GPR149: variants seen among roughly 807,000 people sequenced by gnomAD.
GPR149 encodes G protein-coupled receptor 149, also known as probable G protein-coupled receptor 149.
In GPR149, 50 loss-of-function variants were observed where a neutral mutation model predicts 50.2. The observed-to-expected ratio is 1.00, with a 90% CI of 0.79 to 1.26. GPR149 has a LOEUF of 1.26. Ranked by LOEUF, GPR149 falls within the 50% of genes most tolerant of loss-of-function variation. The probability of loss-of-function intolerance (pLI) is 0.00; values close to 1 mark genes in which losing one functional copy is unlikely to be tolerated. For missense variants in GPR149, 983 were observed against 895.4 expected (o/e 1.10, Z -1.25); for synonymous variants, 405 against 358.2 (o/e 1.13, Z -1.48).
At chr3:154,387,483 G>A (rs978036359) in intron 3 of GPR149, among the ~76,000 whole-genome samples, 6 of 152,126 alleles carry the variant, frequency 3.9e-5, no homozygotes, top group East Asian at 3.9e-4. Flanking sequence ...TTCTTCTCAC[G>A]GTGTCTGAGG....
At chr3:154,383,488 G>C (rs540610401) in intron 3 of GPR149, among the ~76,000 whole-genome samples, 3 of 152,130 alleles carry the variant, frequency 2.0e-5, no homozygotes, top group African/African-American at 7.2e-5. Context: ...GGGGCACACT[G>C]CTTGCCATAT....
chr3:154,374,169 C>CT (rs3069044), intron 3 of GPR149, among the ~76,000 whole-genome samples: 21,260 of 102,490 alleles, frequency 0.21, 3,092 homozygotes, highest in East Asian at 0.65. Flanking sequence ...CTTTTCTTTT[C>CT]TTTTTTTTTT....
chr3:154,419,455 T>C (rs1421499436), intron 3 of GPR149, among the ~76,000 whole-genome samples: 1 of 151,990 alleles, frequency 6.6e-6, no homozygotes, highest in Admixed American at 6.6e-5. Context: ...ATAAGAAAAT[T>C]GAGCTTAGTC....
intron 3 of GPR149, among the ~76,000 whole-genome samples, chr3:154,341,292 C>T (rs1457598976): frequency 6.9e-5 from 5 of 72,948 alleles, no homozygotes; most frequent in East Asian, 1.7e-3. Flanking sequence ...AAAAATAAGA[C>T]ATATATATAT....
At chr3:154,360,049 C>A (rs1714343367) in intron 3 of GPR149, among the ~76,000 whole-genome samples, 1 of 152,042 alleles carries the variant, frequency 6.6e-6, no homozygotes, top group African/African-American at 2.4e-5. Flanking sequence ...CAAACAGAAA[C>A]AAAAGATTCA....
chr3:154,425,338 GT>G (rs112226682), intron 2 of GPR149, among the ~76,000 whole-genome samples: 3,303 of 151,940 alleles, frequency 0.022, 126 homozygotes, highest in African/African-American at 0.073. Flanking sequence ...GGGAATCTTA[GT>G]TTGTTATGGA....
chr3:154,357,080 G>A (rs1714252949), intron 3 of GPR149, among the ~76,000 whole-genome samples: 1 of 152,174 alleles, frequency 6.6e-6, no homozygotes, highest in East Asian at 1.9e-4. Context: ...AAGAAATGGG[G>A]AAAGGATTCC....
intron 3 of GPR149, among the ~76,000 whole-genome samples, chr3:154,345,053 G>T (rs1477103371): frequency 6.6e-6 from 1 of 152,180 alleles, no homozygotes; most frequent in Non-Finnish European, 1.5e-5. Context: ...CTCTTCAAAA[G>T]AAGTGAACAT....
intron 3 of GPR149, among the ~76,000 whole-genome samples, chr3:154,396,710 G>A (rs1177180610): frequency 4.6e-5 from 7 of 151,890 alleles, no homozygotes; most frequent in Non-Finnish European, 8.8e-5. Context: ...ACTTTATTAT[G>A]TATGTAAGAA....
At chr3:154,387,577 A>G (rs868261102) in intron 3 of GPR149, among the ~76,000 whole-genome samples, 4 of 152,172 alleles carry the variant, frequency 2.6e-5, no homozygotes, top group South Asian at 4.1e-4. Flanking sequence ...CAATTTTGGT[A>G]GAGTATGAGT....
At chr3:154,352,645 G>A in intron 3 of GPR149, 1 of 778,626 alleles carries the variant, frequency 1.3e-6, no homozygotes, top group South Asian at 1.3e-5. Context: ...GTGGGCTAAA[G>A]TTGCAGCCAA....
In GPR149 at chr3:154,421,187, A is replaced by C. The variant is rs1712131801; in HGVS notation, c.1475T>G (p.Phe492Cys). 3 of 1,613,574 alleles carry C rather than the reference A, an allele frequency of 1.9e-6. No individual in the cohort carries two copies. The highest frequency in any genetic ancestry group is 3.3e-5 in the Admixed American group (2 of 59,944). Residue 492 changes from phenylalanine (F) to cysteine (C), a missense_variant, in exon 3 of 4, where the codon TTT (phenylalanine) becomes TGT (cysteine). Phe to Cys is a radical substitution (Grantham distance 205). Coordinates refer to ENST00000389740, the MANE Select transcript of GPR149 (RefSeq NM_001038705.3). ...AATATCACCTCCTGTTTTGTCAGAA[A>C]ACGCATCCTTTTTGTTGTTGGAATC... ...KQDSNNKKDA[F>C]SDKTGGDINY...
rs1191532148 is a variant in GPR149 at position 154,336,794 on chromosome 3, T to C, written c.*905A>G. On this transcript the variant is annotated 3_prime_UTR_variant, in exon 4 of 4. Transcript: ENST00000389740. ...TCCTCAGCTTTAAAAACAGATACTT[T>C]TGTTTTAGACTTAGAGGATTTTGCT... 6.6e-6 allele frequency: 1 copy of C among 152,126 alleles called. No individual in the cohort carries two copies. The highest frequency in any genetic ancestry group is 1.9e-4 in the East Asian group (1 of 5,200). 9.4% of individuals were successfully genotyped at this position (152,126 alleles called of 1,614,324 possible).
At chr3:154,383,088 G>C (rs561596361) in intron 3 of GPR149, among the ~76,000 whole-genome samples, 19 of 152,130 alleles carry the variant, frequency 1.2e-4, no homozygotes, top group Admixed American at 2.6e-4. Context: ...CAGGAAAAGG[G>C]GTGCTATAAT....
chr3:154,405,899 A>C (rs1711673357), intron 3 of GPR149, among the ~76,000 whole-genome samples: 1 of 151,914 alleles, frequency 6.6e-6, no homozygotes, highest in African/African-American at 2.4e-5. Context: ...ATTCAAATGC[A>C]ATTAATAAAA....
intron 3 of GPR149, chr3:154,353,150 G>T (rs1714125685): frequency 1.3e-6 from 2 of 1,511,800 alleles, no homozygotes; most frequent in East Asian, 4.5e-5. Context: ...TGGTCTCACA[G>T]AAAATAATAG....
intron 3 of GPR149, among the ~76,000 whole-genome samples, chr3:154,375,957 G>C (rs1282474607): frequency 6.6e-6 from 1 of 152,218 alleles, no homozygotes; most frequent in Non-Finnish European, 1.5e-5. Flanking sequence ...TTTGGCCTTA[G>C]ACTGGAACTC....
chr3:154,354,614 A>T (rs778531986), intron 3 of GPR149: 1 of 194,148 alleles, frequency 5.2e-6, no homozygotes, highest in Non-Finnish European at 1.1e-5. Context: ...GAAAGACTCT[A>T]CAACTCCTCT....
chr3:154,355,858 C>T (rs1312320447), intron 3 of GPR149, among the ~76,000 whole-genome samples: 1 of 152,074 alleles, frequency 6.6e-6, no homozygotes, highest in Non-Finnish European at 1.5e-5. Context: ...AAGACAGTTT[C>T]AAAGGATAAA....
Sources: allele counts gnomAD v4.1 joint callset (sites outside exome capture counted in the v4.1 genomes callset), GRCh38; gene constraint gnomAD v4.1.1; transcripts MANE v1.5; gene names NCBI Gene and HGNC (gene_info 2026-07-23, HGNC 2026-07-21).